Variants in FARSB observed in about 807,000 individuals in gnomAD.
The protein encoded by FARSB is phenylalanine--tRNA ligase beta subunit.
In FARSB, 40 loss-of-function variants were observed where a neutral mutation model predicts 69.6. The ratio of observed to expected loss-of-function variants is 0.57; its 90% confidence interval spans 0.45 to 0.75. The LOEUF (loss-of-function observed/expected upper bound fraction) is 0.75. FARSB is among the 30% of genes least tolerant of loss of function. FARSB has a pLI of 0.00. For missense variants in FARSB, 632 were observed against 722.9 expected, an observed-to-expected ratio of 0.87 and a Z score of 1.44; for synonymous variants, 235 against 247.2, an observed-to-expected ratio of 0.95 and a Z score of 0.46.
chr2:222,587,604 C>T (rs1296357242), intron 16 of FARSB, among the ~76,000 whole-genome samples: 2 of 152,016 alleles, frequency 1.3e-5, no homozygotes, highest in African/African-American at 4.8e-5. Context: ...AATTGATAGA[C>T]CACTAGCAGA....
At chr2:222,584,975 C>G (rs1690069703) in intron 16 of FARSB, among the ~76,000 whole-genome samples, 1 of 152,206 alleles carries the variant, frequency 6.6e-6, no homozygotes, top group African/African-American at 2.4e-5. Context: ...CCCTGTCTGA[C>G]AGCTTTGAAG....
At chr2:222,654,758 G>A (rs1375680316) in intron 1 of FARSB, among the ~76,000 whole-genome samples, 2 of 152,204 alleles carry the variant, frequency 1.3e-5, no homozygotes, top group Non-Finnish European at 2.9e-5. Flanking sequence ...TTAAAAGCCA[G>A]CTTTATTTTC....
chr2:222,636,499 C>A (rs577529587), intron 5 of FARSB, among the ~76,000 whole-genome samples: 3 of 151,354 alleles, frequency 2.0e-5, no homozygotes, highest in Non-Finnish European at 4.4e-5. Context: ...GATAACTATA[C>A]CCAAATTAAA....
Position 222,571,707 on chromosome 2 carries a change from A to G in FARSB, c.*164T>C, listed in dbSNP as rs765723269. ...ACTGGTATATGGCACAAGCTGGCCT[A>G]ATATGCAGGGAAAGGATGGTCTCTA... On this transcript the variant is annotated 3_prime_UTR_variant, in exon 17 of 17. Coordinates refer to ENST00000281828, the MANE Select transcript of FARSB (RefSeq NM_005687.5). 1.6e-6 allele frequency: 1 copy of G among 607,266 alleles called. No individual in the cohort carries two copies. The highest frequency in any genetic ancestry group is 2.9e-6 in the Non-Finnish European group (1 of 348,862). The allele number at this position is 607,266 out of a possible 1,614,324, so 37.6% of individuals were successfully genotyped here. A position where few individuals can be genotyped will look rare whatever the true frequency, so the allele number is the denominator to read the frequency against.
intron 13 of FARSB, among the ~76,000 whole-genome samples, chr2:222,620,638 C>A (rs1024412505): frequency 3.3e-5 from 5 of 152,210 alleles, no homozygotes; most frequent in African/African-American, 1.2e-4. Context: ...ATGATGATAA[C>A]TGACAAATCA....
At chr2:222,642,726 T>C (rs1191630401) in intron 3 of FARSB, 125 bp downstream of exon 3, 4 of 611,412 alleles carry the variant, frequency 6.5e-6, no homozygotes, top group Admixed American at 5.9e-5. Flanking sequence ...CAACCCTCTA[T>C]TGAGAGCTAA....
intron 15 of FARSB, among the ~76,000 whole-genome samples, chr2:222,604,746 T>G (rs1376889745): frequency 7.6e-6 from 1 of 131,706 alleles, no homozygotes; most frequent in African/African-American, 2.8e-5. Flanking sequence ...TTTTTTTTTG[T>G]ATTTTCAGTA....
At chr2:222,636,129 G>A (rs191484725) in intron 5 of FARSB, among the ~76,000 whole-genome samples, 26 of 150,696 alleles carry the variant, frequency 1.7e-4, no homozygotes, top group Non-Finnish European at 2.8e-4. Context: ...TGCTTAGGCC[G>A]CACGCGGTGG....
rs981054133 is a variant in FARSB, at chr2:222,568,481, A to G, written c.*3390T>C. 3 of 152,204 alleles carry G rather than the reference A, an allele frequency of 2.0e-5. No homozygotes were observed. Among genetic ancestry groups the G allele is most frequent in the Non-Finnish European group, 4.4e-5 (3 of 68,030 alleles). 9.4% of individuals were successfully genotyped at this position (152,204 alleles called of 1,614,324 possible). The stretch of plus-strand genomic sequence containing the variant: ...ACTGTTTTCACCCTACACATCAGGG[A>G]GAATTCCTACTCTCATACCGTTATT... On this transcript the variant is annotated 3_prime_UTR_variant, in exon 17 of 17. Coordinates refer to ENST00000281828, the MANE Select transcript of FARSB (RefSeq NM_005687.5). This position sits in a 1 kb window ranked among gnomAD's most constrained non-coding sequence, Gnocchi z 4.3.
chr2:222,600,888 T>C (rs1467799957), intron 15 of FARSB, among the ~76,000 whole-genome samples: 6 of 152,198 alleles, frequency 3.9e-5, no homozygotes, highest in Non-Finnish European at 8.8e-5. Flanking sequence ...TACTTTGTAA[T>C]ATTTTAAAAA....
intron 9 of FARSB, 49 bp from the exon 10 acceptor site, chr2:222,628,937 A>C (rs751373123): frequency 7.5e-7 from 1 of 1,337,444 alleles, no homozygotes; most frequent in Non-Finnish European, 1.1e-6. Flanking sequence ...AATGTGCCAT[A>C]AATTACAGAC....
At chr2:222,613,766 A>G (rs1477499706) in intron 15 of FARSB, 45 bp downstream of exon 15, 1 of 1,231,482 alleles carries the variant, frequency 8.1e-7, no homozygotes, top group Non-Finnish European at 1.2e-6. Context: ...TAATGAAAAA[A>G]ATGTTTTAAA....
At chr2:222,614,281 G>A (rs1690941890) in intron 14 of FARSB, among the ~76,000 whole-genome samples, 2 of 152,074 alleles carry the variant, frequency 1.3e-5, no homozygotes, top group African/African-American at 4.8e-5. Context: ...TAGAGACACA[G>A]TCTCACTGTT....
chr2:222,610,541 A>G (rs1412669512), intron 15 of FARSB, among the ~76,000 whole-genome samples: 1 of 152,208 alleles, frequency 6.6e-6, no homozygotes, highest in Non-Finnish European at 1.5e-5. Context: ...AAAGCATAAC[A>G]GAACCAATTA....
At chr2:222,648,338 G>C (rs983727162) in intron 2 of FARSB, among the ~76,000 whole-genome samples, 3 of 152,172 alleles carry the variant, frequency 2.0e-5, no homozygotes, top group Non-Finnish European at 2.9e-5. Context: ...GGAAGGTTAT[G>C]GGGGCAGAGG....
At chr2:222,617,955 A>G (rs966288385) in intron 14 of FARSB, among the ~76,000 whole-genome samples, 4 of 152,228 alleles carry the variant, frequency 2.6e-5, no homozygotes, top group African/African-American at 9.6e-5. Flanking sequence ...TGGGAGAAAA[A>G]GGTACATTTC....
chr2:222,582,987 G>C (rs2106181908), intron 16 of FARSB, among the ~76,000 whole-genome samples: 1 of 150,492 alleles, frequency 6.6e-6, no homozygotes, highest in South Asian at 2.1e-4. Flanking sequence ...TCTCACTAAA[G>C]AAAAAGAGAT....
intron 2 of FARSB, among the ~76,000 whole-genome samples, chr2:222,647,109 A>G (rs1486874843): frequency 2.6e-5 from 4 of 152,202 alleles, no homozygotes; most frequent in African/African-American, 9.6e-5. Flanking sequence ...CAAACTACCC[A>G]GCTGGGGATT....
chr2:222,630,324 A>T, intron 8 of FARSB, 150 bp from the exon 9 acceptor site: 1 of 517,248 alleles, frequency 1.9e-6, no homozygotes, highest in Non-Finnish European at 3.4e-6. Context: ...TAAAAACATG[A>T]GTAGGCCTAG....
Sources: allele counts gnomAD v4.1 joint callset (sites outside exome capture counted in the v4.1 genomes callset), GRCh38; gene constraint gnomAD v4.1.1; non-coding constraint Gnocchi (gnomAD v3.1); transcripts MANE v1.5; gene names NCBI Gene and HGNC (gene_info 2026-07-23, HGNC 2026-07-21).